Variants in TBX5 observed in about 807,000 individuals in gnomAD.
TBX5 encodes the protein T-box transcription factor 5, also known as T-box transcription factor TBX5.
A neutral mutation model predicts 51.1 loss-of-function variants in TBX5; 8 were observed. The observed-to-expected ratio is 0.16, with a 90% confidence interval of 0.09 to 0.28. The LOEUF (loss-of-function observed/expected upper bound fraction) is 0.28. Among genes scored for constraint, TBX5 ranks in the 10% least tolerant of loss-of-function variants. The probability of loss-of-function intolerance (pLI) is 1.00; values close to 1 mark genes in which losing one functional copy is unlikely to be tolerated. For missense variants in TBX5, 589 were observed against 671.7 expected (o/e 0.88, Z 1.36); for synonymous variants, 302 against 266.4 (o/e 1.13, Z -1.30).
chr12:114,373,839 G>C (rs893270698), intron 7 of TBX5, among the ~76,000 whole-genome samples: 3 of 152,200 alleles, frequency 2.0e-5, no homozygotes, highest in Non-Finnish European at 4.4e-5. Flanking sequence ...TTTTAGTCCA[G>C]TCTTGTAAAT....
At chr12:114,369,301 CT>C (rs1361634598) in intron 7 of TBX5, among the ~76,000 whole-genome samples, 1 of 152,182 alleles carries the variant, frequency 6.6e-6, no homozygotes, top group East Asian at 1.9e-4. Flanking sequence ...CAAAATTGCT[CT>C]CTGGAAAGGC....
rs546736241 is a variant in TBX5 at position 114,406,073 on chromosome 12, T to C, written c.-484A>G. The C allele has an allele frequency of 1.5e-4, 148 of 977,040 alleles. No individual in the cohort carries two copies. The highest frequency in any genetic ancestry group is 1.8e-4 in the Non-Finnish European group (144 of 822,590). The allele number at this position is 977,040 out of a possible 1,614,324, so 60.5% of individuals were successfully genotyped here. A position where few individuals can be genotyped will look rare whatever the true frequency, so the allele number is the denominator to read the frequency against. ...CTCTCTCACTCTCTCTCCCTCTCTC[T>C]CTCTCTCTGAAATACAAGCCAACTC... is the stretch of plus-strand genomic sequence containing the variant. On this transcript the variant is annotated 5_prime_UTR_variant, in exon 1 of 9. Transcript: ENST00000405440.
chr12:114,366,337 G>C lies in TBX5; in HGVS notation c.810C>G (p.Asn270Lys), dbSNP rs1457829118. 2 of 1,613,984 alleles carry C rather than the reference G, an allele frequency of 1.2e-6. No homozygotes were observed. Among genetic ancestry groups the C allele is most frequent in the South Asian group, 2.2e-5 (2 of 91,072 alleles). The change falls in exon 8 of 9, where the codon AAC (asparagine) becomes AAG (lysine). Residue 270 changes from asparagine to lysine, a missense_variant. This residue lies in a region of TBX5 where 348 missense variants were observed against 360.4 expected (regional missense o/e 0.97). Transcript: ENST00000405440. ...RSTVRQKVAS[N>K]HSPFSSESRA... The stretch of plus-strand genomic sequence containing the variant: ...GAGACTCGCTGCTGAAAGGACTGTG[G>C]TTGGAGGCCACTTTTTGCCTCACGG...
intron 2 of TBX5, among the ~76,000 whole-genome samples, chr12:114,403,484 C>T (rs1036918680): frequency 2.6e-5 from 4 of 152,120 alleles, no homozygotes; most frequent in Non-Finnish European, 5.9e-5. Flanking sequence ...ATTTCTCGAA[C>T]AATTTAAATA....
intron 5 of TBX5, among the ~76,000 whole-genome samples, chr12:114,397,193 T>C (rs1025098741): frequency 1.3e-5 from 2 of 152,010 alleles, no homozygotes; most frequent in African/African-American, 2.4e-5. Context: ...CTCCTTTCCC[T>C]GAAATCGGCG....
chr12:114,393,109 C>G (rs1260713278), intron 6 of TBX5, among the ~76,000 whole-genome samples: 1 of 152,136 alleles, frequency 6.6e-6, no homozygotes. Context: ...TTGGGGTATT[C>G]TCTGCCAAGC....
At position 114,355,718 on chromosome 12, in the gene TBX5, G is replaced by A. The variant is rs1281254559; in HGVS notation, c.1371C>T (p.His457=). 6.2e-7 allele frequency: 1 copy of A among 1,614,064 alleles called. No homozygotes were observed. Among genetic ancestry groups the A allele is most frequent in the Non-Finnish European group, 8.5e-7 (1 of 1,180,034 alleles). ...CAGGCTGGTGGGCCACGGAGGTCTG[G>A]TGCTGGAACATTCCCTCTCCCAGCT... is the stretch of plus-strand genomic sequence containing the variant. ...SPQLGEGMFQ[H]QTSVAHQPVV... Residue 457 remains histidine (H), a synonymous_variant, in exon 9 of 9, where the codon CAC becomes CAT. Transcript: ENST00000405440.
At chr12:114,390,726 A>G (rs539757074) in intron 6 of TBX5, among the ~76,000 whole-genome samples, 2 of 152,334 alleles carry the variant, frequency 1.3e-5, no homozygotes, top group African/African-American at 4.8e-5. Context: ...GGGGATAGAC[A>G]TTGCTTGCAT....
chr12:114,363,421 T>A (rs776434764), intron 8 of TBX5, among the ~76,000 whole-genome samples: 6 of 152,200 alleles, frequency 3.9e-5, no homozygotes, highest in Non-Finnish European at 5.9e-5. Context: ...CAGGGATGCA[T>A]TTATAAGGAT....
At chr12:114,402,333 G>A (rs967420691) in intron 2 of TBX5, among the ~76,000 whole-genome samples, 4 of 152,026 alleles carry the variant, frequency 2.6e-5, no homozygotes, top group African/African-American at 9.7e-5. Context: ...GATGGGTGGG[G>A]GGGATAGATA....
intron 8 of TBX5, among the ~76,000 whole-genome samples, chr12:114,363,180 G>C (rs539454947): frequency 6.6e-6 from 1 of 152,264 alleles, no homozygotes; most frequent in Admixed American, 6.5e-5. Context: ...TTGCACAAAA[G>C]ATAGTTGAGG....
chr12:114,408,238 G>A (rs895670171), upstream of TBX5: 18 of 984,520 alleles, frequency 1.8e-5, no homozygotes, highest in Non-Finnish European at 2.2e-5. Context: ...TTGGCCCCGG[G>A]AATAAATAAA....
Position 114,401,810 on chromosome 12 carries a change from C to T in TBX5, c.242+16G>A. 1 of 1,613,578 alleles carries T rather than the reference C, an allele frequency of 6.2e-7. No individual in the cohort carries two copies. The highest frequency in any genetic ancestry group is 8.5e-7 in the Non-Finnish European group (1 of 1,179,512). On this transcript the variant is annotated intron_variant, in intron 3 of 8. Coordinates refer to ENST00000405440, the MANE Select transcript of TBX5 (RefSeq NM_181486.4). ...ATTTCTCCTCGTCCCTCTCTCTACA[C>T]AACAAACCATCTCACCTTCCAGCCT...
At chr12:114,363,878 T>C (rs756175038) in intron 8 of TBX5, among the ~76,000 whole-genome samples, 4 of 152,244 alleles carry the variant, frequency 2.6e-5, no homozygotes, top group Non-Finnish European at 5.9e-5. Flanking sequence ...CTGTGTCCCA[T>C]AGGACATTCT....
intron 7 of TBX5, among the ~76,000 whole-genome samples, chr12:114,382,570 G>A (rs148741874): frequency 2.6e-5 from 4 of 151,946 alleles, no homozygotes; most frequent in Non-Finnish European, 5.9e-5. Context: ...AGGCCGAGGC[G>A]GGTGGATTGC....
chr12:114,391,504 A>T (rs1871141368), intron 6 of TBX5, among the ~76,000 whole-genome samples: 1 of 152,200 alleles, frequency 6.6e-6, no homozygotes. Context: ...CAGGTCCCAC[A>T]TGACACACTT....
At chr12:114,373,702 C>T (rs376062000) in intron 7 of TBX5, among the ~76,000 whole-genome samples, 6 of 152,270 alleles carry the variant, frequency 3.9e-5, no homozygotes, top group African/African-American at 1.2e-4. Flanking sequence ...TGTGATCCGC[C>T]CACCTCGGCC....
intron 7 of TBX5, among the ~76,000 whole-genome samples, chr12:114,377,070 C>A (rs1461524205): frequency 6.6e-6 from 1 of 152,144 alleles, no homozygotes; most frequent in East Asian, 1.9e-4. Context: ...CAACCCCGCT[C>A]TTGTTTTACA....
intron 7 of TBX5, among the ~76,000 whole-genome samples, chr12:114,368,344 A>G (rs188437810): frequency 6.6e-6 from 1 of 152,260 alleles, no homozygotes; most frequent in East Asian, 1.9e-4. Flanking sequence ...CAATCAATCA[A>G]TCAATCAATC....
Sources: allele counts gnomAD v4.1 joint callset (sites outside exome capture counted in the v4.1 genomes callset), GRCh38; gene constraint gnomAD v4.1.1; regional missense constraint gnomAD v4.1.1; transcripts MANE v1.5; gene names NCBI Gene and HGNC (gene_info 2026-07-23, HGNC 2026-07-21).